GRIK2: variants seen among roughly 807,000 people sequenced by gnomAD.
The protein encoded by GRIK2 is glutamate ionotropic receptor kainate type subunit 2.
Under a neutral mutation model 100.3 loss-of-function variants are expected in GRIK2, and 32 were observed. The ratio of observed to expected loss-of-function variants is 0.32; its 90% confidence interval spans 0.24 to 0.43. The LOEUF is 0.43. Ranked by LOEUF, GRIK2 falls within the 20% of genes least tolerant of loss-of-function variation. The pLI is 1.00. For synonymous variants in GRIK2, 417 were observed against 389.4 expected (o/e 1.07, Z -0.83); for missense variants, 843 against 1,114.9 (o/e 0.76, Z 3.47).
At chr6:101,671,266 C>CA (rs1770411075) in intron 4 of GRIK2, among the ~76,000 whole-genome samples, 1 of 151,860 alleles carries the variant, frequency 6.6e-6, no homozygotes, top group Admixed American at 6.6e-5. Context: ...GTGCTATATT[C>CA]CTTGATACCA....
intron 16 of GRIK2, chr6:102,063,840 A>G: frequency 1.9e-6 from 1 of 534,942 alleles, no homozygotes; most frequent in Non-Finnish European, 3.4e-6. Context: ...CATTGTTTCA[A>G]GAATTAGAGA....
At chr6:101,755,746 GCAGCA>G (rs978231436) in intron 7 of GRIK2, among the ~76,000 whole-genome samples, 17 of 152,136 alleles carry the variant, frequency 1.1e-4, no homozygotes, top group African/African-American at 4.1e-4. Context: ...AGTATCAGAT[GCAGCA>G]CTATAGTAAC....
intron 12 of GRIK2, among the ~76,000 whole-genome samples, chr6:101,917,629 A>C (rs551906668): frequency 6.6e-6 from 1 of 151,604 alleles, no homozygotes; most frequent in Admixed American, 6.6e-5. Context: ...TCTTATTAAG[A>C]AGGACTACTG....
intron 16 of GRIK2, among the ~76,000 whole-genome samples, chr6:102,062,518 G>T (rs943619187): frequency 6.8e-6 from 1 of 147,156 alleles, no homozygotes. Flanking sequence ...GTGATCAGTA[G>T]GATCACGAAA....
chr6:101,922,025 C>T (rs1023521300), intron 12 of GRIK2, among the ~76,000 whole-genome samples: 23 of 148,126 alleles, frequency 1.6e-4, no homozygotes, highest in African/African-American at 5.4e-4. Flanking sequence ...CAAGAGACTT[C>T]CTTGAAACCA....
intron 16 of GRIK2, among the ~76,000 whole-genome samples, chr6:102,064,381 T>TC (rs1290799206): frequency 6.9e-6 from 1 of 144,750 alleles, no homozygotes; most frequent in African/African-American, 2.6e-5. Flanking sequence ...TTTCTTTCTT[T>TC]CTTTCCTTTC....
At chr6:101,889,591 CTCTT>C (rs769766052) in intron 11 of GRIK2, 45 bp from the exon 12 acceptor site, 78 of 1,027,316 alleles carry the variant, frequency 7.6e-5, no homozygotes, top group East Asian at 4.2e-4. Flanking sequence ...AATTTTTTCT[CTCTT>C]TCTTTCTTTC....
intron 7 of GRIK2, among the ~76,000 whole-genome samples, chr6:101,722,184 G>C (rs1461694959): frequency 6.6e-6 from 1 of 151,878 alleles, no homozygotes; most frequent in East Asian, 1.9e-4. Flanking sequence ...CTTTTCAAGA[G>C]AGAAAAATTA....
intron 7 of GRIK2, among the ~76,000 whole-genome samples, chr6:101,780,064 T>G (rs1778994181): frequency 6.6e-6 from 1 of 152,142 alleles, no homozygotes; most frequent in African/African-American, 2.4e-5. Flanking sequence ...ATATTTTTAG[T>G]TTACTTGGTT....
intron 16 of GRIK2, among the ~76,000 whole-genome samples, chr6:102,067,865 T>C (rs1447514254): frequency 6.6e-6 from 1 of 151,862 alleles, no homozygotes; most frequent in Non-Finnish European, 1.5e-5. Context: ...TCTGTGTGAG[T>C]GCTATCTTTG....
At chr6:102,033,320 G>T (rs908008859) in intron 14 of GRIK2, among the ~76,000 whole-genome samples, 2 of 151,108 alleles carry the variant, frequency 1.3e-5, no homozygotes, top group Admixed American at 6.6e-5. Context: ...CAGTGGTTAT[G>T]GATTTCAACT....
intron 10 of GRIK2, among the ~76,000 whole-genome samples, chr6:101,858,113 C>T (rs999487262): frequency 1.3e-5 from 2 of 152,158 alleles, no homozygotes; most frequent in Admixed American, 6.5e-5. Flanking sequence ...TTTGTCTTCT[C>T]TTATCTTACC....
intron 4 of GRIK2, among the ~76,000 whole-genome samples, chr6:101,656,512 A>G (rs1769190737): frequency 6.6e-6 from 1 of 152,166 alleles, no homozygotes; most frequent in African/African-American, 2.4e-5. Context: ...GCCCAAACAT[A>G]TAGGTAGATA....
intron 2 of GRIK2, among the ~76,000 whole-genome samples, chr6:101,595,483 A>G (rs1778873820): frequency 6.6e-6 from 1 of 151,682 alleles, no homozygotes; most frequent in Non-Finnish European, 1.5e-5. Context: ...GATTGCTGAC[A>G]TTCCAGCCAG....
chr6:101,870,483 CA>C (rs1429208216), intron 11 of GRIK2, among the ~76,000 whole-genome samples: 1 of 151,814 alleles, frequency 6.6e-6, no homozygotes, highest in Non-Finnish European at 1.5e-5. Flanking sequence ...GTGTAGGTGT[CA>C]ATGTCTTGTT....
intron 2 of GRIK2, among the ~76,000 whole-genome samples, chr6:101,495,921 C>T (rs546816938): frequency 6.6e-6 from 1 of 151,626 alleles, no homozygotes; most frequent in Non-Finnish European, 1.5e-5. Flanking sequence ...AGGATGTGTG[C>T]TGGTATTTTA....
chr6:101,626,943 TACAC>T (rs969904579), intron 4 of GRIK2, among the ~76,000 whole-genome samples: 16 of 151,798 alleles, frequency 1.1e-4, no homozygotes, highest in Non-Finnish European at 1.9e-4. Flanking sequence ...GATAGATAGA[TACAC>T]ACACACGTAC....
rs999625964 is a variant in GRIK2, at chr6:101,522,019, T to A, written c.116-99930T>A. Among the ~76,000 whole-genome samples, 74 of 152,236 alleles carry A rather than the reference T, an allele frequency of 4.9e-4. No individual in the cohort carries two copies. The Middle Eastern group carries it at 0.01, about 21-fold the overall frequency. On this transcript the variant is annotated intron_variant, in intron 2 of 16. Coordinates refer to ENST00000369134, the MANE Select transcript of GRIK2 (RefSeq NM_021956.5). ...TTTTTAATGAATATTTTGAAGGTATTATGGAGATACTTTCTCCTTAAGTTG... is the reference window on the plus strand; with the variant it reads ...TTTTTAATGAATATTTTGAAGGTATAATGGAGATACTTTCTCCTTAAGTTG...
chr6:101,790,375 C>T (rs1436326778), intron 7 of GRIK2, among the ~76,000 whole-genome samples: 6 of 152,100 alleles, frequency 3.9e-5, no homozygotes, highest in African/African-American at 9.7e-5. Context: ...TTTTGAGATA[C>T]GTCACATCAA....
Sources: gnomAD v4.1 joint callset for allele counts (sites outside exome capture counted in the v4.1 genomes callset) on GRCh38, gnomAD v4.1.1 for gene constraint, MANE v1.5 for transcripts, NCBI Gene and HGNC (gene_info 2026-07-23, HGNC 2026-07-21) for gene names.